The following UNC93A variants were observed in gnomAD, a reference collection of about 807,000 sequenced individuals.
The protein encoded by UNC93A is N-acetylglucosamine transporter UNC93A.
A neutral mutation model predicts 47.5 loss-of-function variants in UNC93A; 43 were observed. The ratio of observed to expected loss-of-function variants is 0.91; its 90% confidence interval spans 0.71 to 1.17. The LOEUF (loss-of-function observed/expected upper bound fraction) is 1.17, where lower values mean the gene tolerates loss of function less well. Among genes scored for constraint, UNC93A ranks in the 50% most tolerant of loss-of-function variants. UNC93A has a pLI of 0.00. For missense variants in UNC93A, 605 were observed against 577.6 expected (o/e 1.05, Z -0.49); for synonymous variants, 280 against 258.0 (o/e 1.09, Z -0.82).
rs1441976839 is a variant in UNC93A, at chr6:167,307,259, C to T, written c.977-520C>T. Among the ~76,000 whole-genome samples, 8 of 152,322 alleles carry T rather than the reference C, an allele frequency of 5.3e-5. No individual in the cohort carries two copies. The East Asian group carries it at 5.8e-4, about 11-fold the overall frequency. ...CCCTCCAGGCTGAGGCTGCGGGTCA[C>T]GCAGCAGGTGTATGGTGCAGAGCAT... is the stretch of plus-strand genomic sequence containing the variant. On this transcript the variant is annotated intron_variant, in intron 6 of 7. Transcript: ENST00000230256.
chr6:167,295,200 C>T (rs1778020350), intron 2 of UNC93A, among the ~76,000 whole-genome samples: 2 of 152,166 alleles, frequency 1.3e-5, no homozygotes, highest in Non-Finnish European at 2.9e-5. Context: ...CTTTGGCCTG[C>T]ACCCCAGGCC....
At chr6:167,312,133 T>C (rs1449148314) in intron 7 of UNC93A, among the ~76,000 whole-genome samples, 2 of 152,130 alleles carry the variant, frequency 1.3e-5, no homozygotes, top group Non-Finnish European at 2.9e-5. Flanking sequence ...AGGCTGTTCC[T>C]TAATTTTGGT....
chr6:167,299,862 G>A (rs1176096671), intron 4 of UNC93A, among the ~76,000 whole-genome samples: 2 of 152,222 alleles, frequency 1.3e-5, no homozygotes, highest in African/African-American at 4.8e-5. Flanking sequence ...TTGATGTTGT[G>A]CCAAAGGGTC....
rs2294237 is a variant in UNC93A, at chr6:167,313,978, G to A, written c.1109-1209G>A. Among the ~76,000 whole-genome samples, 126 of 152,318 alleles carry A rather than the reference G, an allele frequency of 8.3e-4. No individual in the cohort carries two copies. The East Asian group carries it at 0.024, about 29-fold the overall frequency. ...GGTGCCTTGTCCTGAGGCTTCCAAA[G>A]AGCTTCTTGTTTCCCAAACATCCAT... On this transcript the variant is annotated intron_variant, in intron 7 of 7. Transcript: ENST00000230256.
intron 1 of UNC93A, among the ~76,000 whole-genome samples, chr6:167,272,699 A>C (rs1406966134): frequency 6.6e-6 from 1 of 152,210 alleles, no homozygotes; most frequent in African/African-American, 2.4e-5. Flanking sequence ...GTAGATTTGA[A>C]AATGTTCTGG....
chr6:167,273,405 G>A (rs1318913467), intron 1 of UNC93A, among the ~76,000 whole-genome samples: 2 of 152,206 alleles, frequency 1.3e-5, no homozygotes, highest in Non-Finnish European at 2.9e-5. Flanking sequence ...TGGCCCATGG[G>A]AGCTGCTGTG....
chr6:167,307,738 A>G, intron 6 of UNC93A, 41 bp from the exon 7 acceptor site: 2 of 1,573,498 alleles, frequency 1.3e-6, no homozygotes, highest in Non-Finnish European at 1.7e-6. Flanking sequence ...GGCCATGATG[A>G]TGGCCCTCAT....
At position 167,304,055 on chromosome 6, in the gene UNC93A, T is replaced by G; in HGVS notation, c.762T>G (p.Asp254Glu). The change falls in exon 5 of 8, where the codon GAT becomes GAG. Residue 254 changes from aspartate to glutamate, a missense_variant. Coordinates refer to ENST00000230256, the MANE Select transcript of UNC93A (RefSeq NM_018974.4). ...TLLSTFKLYR[D>E]KRLCLLILLP... ...TGTCGACTTTCAAGCTATATAGAGA[T>G]AAACGTCTGTGCCTCTTAATTCTGC... 6 of 1,614,024 alleles carry G rather than the reference T, an allele frequency of 3.7e-6. No individual in the cohort carries two copies. Among genetic ancestry groups the G allele is most frequent in the Non-Finnish European group, 5.1e-6 (6 of 1,179,990 alleles).
At chr6:167,308,637 G>A (rs529428490) in intron 7 of UNC93A, among the ~76,000 whole-genome samples, 1 of 151,962 alleles carries the variant, frequency 6.6e-6, no homozygotes, top group Admixed American at 6.6e-5. Flanking sequence ...CTAAGAAGGC[G>A]GCCTGGGGGG....
At chr6:167,272,910 G>A (rs1427277845) in intron 1 of UNC93A, among the ~76,000 whole-genome samples, 1 of 152,114 alleles carries the variant, frequency 6.6e-6, no homozygotes, top group African/African-American at 2.4e-5. Flanking sequence ...ATATAATGAG[G>A]TCTGTCCGGC....
intron 7 of UNC93A, among the ~76,000 whole-genome samples, chr6:167,312,154 T>C (rs1439448361): frequency 6.6e-6 from 1 of 152,082 alleles, no homozygotes; most frequent in Non-Finnish European, 1.5e-5. Context: ...TTGTTTGCTG[T>C]TTTCTCATGA....
chr6:167,304,228 C>A, intron 5 of UNC93A, 95 bp downstream of exon 5: 1 of 1,385,212 alleles, frequency 7.2e-7, no homozygotes. Flanking sequence ...TGTCTCAGGC[C>A]ACCTGCCCAG....
intron 1 of UNC93A, among the ~76,000 whole-genome samples, chr6:167,281,660 G>A (rs1783636153): frequency 6.6e-6 from 1 of 152,174 alleles, no homozygotes; most frequent in Admixed American, 6.5e-5. Flanking sequence ...ACTAAGCTCT[G>A]GGTGGATTAG....
intron 7 of UNC93A, among the ~76,000 whole-genome samples, chr6:167,314,104 G>A (rs1375909697): frequency 6.6e-6 from 1 of 152,150 alleles, no homozygotes; most frequent in Non-Finnish European, 1.5e-5. Context: ...TTCATGATGT[G>A]AGTTGTTTCG....
At position 167,294,597 on chromosome 6, in the gene UNC93A, C is replaced by T; in HGVS notation, c.168C>T (p.Phe56=). The T allele has an allele frequency of 1.2e-6, 2 of 1,613,970 alleles. No homozygotes were observed. The change falls in exon 2 of 8, where the codon TTC becomes TTT. Residue 56 remains phenylalanine, a synonymous_variant. Transcript: ENST00000230256. ...LYGGMLLSSM[F]LPPLLIERLG... is the part of the protein sequence containing the mutation. ...GAGGCATGCTCCTGTCCTCCATGTT[C>T]CTCCCACCGCTCCTCATCGAGAGGC...
intron 5 of UNC93A, among the ~76,000 whole-genome samples, chr6:167,305,057 G>T (rs1385830004): frequency 6.6e-6 from 1 of 152,210 alleles, no homozygotes; most frequent in Non-Finnish European, 1.5e-5. Flanking sequence ...ACCAGCAAGG[G>T]CCTGTGTCTG....
intron 6 of UNC93A, among the ~76,000 whole-genome samples, chr6:167,306,994 C>T (rs1176193517): frequency 6.6e-6 from 1 of 152,204 alleles, no homozygotes; most frequent in Non-Finnish European, 1.5e-5. Context: ...TGCTACCTGC[C>T]TGGGGGGTCT....
chr6:167,304,094 T>C lies in UNC93A; in HGVS notation c.801T>C (p.Ser267=). The C allele has an allele frequency of 6.2e-7, 1 of 1,614,144 alleles. No individual in the cohort carries two copies. The highest frequency in any genetic ancestry group is 8.5e-7 in the Non-Finnish European group (1 of 1,180,024). The part of the protein sequence containing the change: ...LCLLILLPLY[S]GLQQGFLSSE... ...TCTTAATTCTGCTGCCGCTGTACAG[T>C]GGATTGCAGCAAGGATTCCTCTCCA... The change falls in exon 5 of 8, where the codon AGT becomes AGC. Residue 267 remains serine, a synonymous_variant. Coordinates refer to ENST00000230256, the MANE Select transcript of UNC93A (RefSeq NM_018974.4).
At chr6:167,273,302 A>G (rs1238336113) in intron 1 of UNC93A, among the ~76,000 whole-genome samples, 3 of 152,086 alleles carry the variant, frequency 2.0e-5, no homozygotes, top group Non-Finnish European at 4.4e-5. Flanking sequence ...CCCAACTCCT[A>G]ACTCCAGGTG....
Sources: allele counts gnomAD v4.1 joint callset (sites outside exome capture counted in the v4.1 genomes callset), GRCh38; gene constraint gnomAD v4.1.1; transcripts MANE v1.5; gene names NCBI Gene and HGNC (gene_info 2026-07-23, HGNC 2026-07-21).